CEP63: variants seen among roughly 807,000 people sequenced by gnomAD.
CEP63 encodes the protein centrosomal protein of 63 kDa.
In CEP63, 84 loss-of-function variants were observed where a neutral mutation model predicts 89.1. That is an observed-to-expected ratio of 0.94 (90% CI 0.79 to 1.13). The LOEUF (loss-of-function observed/expected upper bound fraction) is 1.13. Among genes scored for constraint, CEP63 ranks in the 50% most tolerant of loss-of-function variants. The pLI is 0.00. For missense variants in CEP63, 838 were observed against 813.3 expected (o/e 1.03, Z -0.37); for synonymous variants, 267 against 272.5 (o/e 0.98, Z 0.20).
At chr3:134,608,851 A>G in the CEP63 span, 2 of 1,600,760 alleles carry the variant, frequency 1.2e-6, no homozygotes, top group Non-Finnish European at 1.7e-6. Context: ...TGGAGCAGAG[A>G]CAAGCTGGTT....
chr3:134,555,629 C>G (rs572212288), intron 12 of CEP63, among the ~76,000 whole-genome samples: 137 of 152,224 alleles, frequency 9.0e-4, no homozygotes, highest in Middle Eastern at 3.4e-3. Flanking sequence ...AAACAGGATA[C>G]AAACAAATGG....
In CEP63 at chr3:134,486,160, A is replaced by G. The variant is rs938528028; in HGVS notation, c.-68A>G. The G allele has an allele frequency of 1.1e-5, 11 of 985,568 alleles. No homozygotes were observed. Among genetic ancestry groups the G allele is most frequent in the East Asian group, 2.3e-4 (2 of 8,806 alleles). The allele number at this position is 985,568 out of a possible 1,614,324, so 61.1% of individuals were successfully genotyped here. On this transcript the variant is annotated 5_prime_UTR_variant, in exon 1 of 15. Transcript: ENST00000675561. ...CAAACGCGCCGACTACAGAGGCTGGACGTAAGCTTAGCGGTGGCGCGCGTG... is the reference window on the plus strand; with the variant it reads ...CAAACGCGCCGACTACAGAGGCTGGGCGTAAGCTTAGCGGTGGCGCGCGTG...
chr3:134,608,769 A>C, the CEP63 span: 12 of 1,614,022 alleles, frequency 7.4e-6, no homozygotes, highest in Non-Finnish European at 1.0e-5. Flanking sequence ...AGCAGCTGCC[A>C]GTTCTTGTTG....
the CEP63 span, among the ~76,000 whole-genome samples, chr3:134,635,822 G>C: frequency 1.3e-5 from 2 of 152,070 alleles, no homozygotes; most frequent in African/African-American, 4.8e-5. Flanking sequence ...GATACAGAAC[G>C]ATATAAAGCA....
the CEP63 span, among the ~76,000 whole-genome samples, chr3:134,670,878 A>G: frequency 6.6e-6 from 1 of 152,270 alleles, no homozygotes; most frequent in South Asian, 2.1e-4. Context: ...GTGGATGAAC[A>G]TCTACAACAC....
chr3:134,746,040 T>A, the CEP63 span, among the ~76,000 whole-genome samples: 3 of 150,988 alleles, frequency 2.0e-5, no homozygotes, highest in African/African-American at 7.3e-5. Context: ...ACATTAGGTA[T>A]TTCTCCTAAT....
chr3:134,591,575 GA>G (rs1361308886), downstream of CEP63, among the ~76,000 whole-genome samples: 1 of 152,172 alleles, frequency 6.6e-6, no homozygotes, highest in Non-Finnish European at 1.5e-5. Flanking sequence ...TGAGATACAG[GA>G]CAGGCACAAT....
the CEP63 span, among the ~76,000 whole-genome samples, chr3:134,723,247 T>G: frequency 1.2e-4 from 19 of 152,210 alleles, no homozygotes; most frequent in African/African-American, 4.3e-4. Context: ...ACTTTGAAAT[T>G]GGCCATATGA....
chr3:134,538,987 T>A (rs1238747096), intron 6 of CEP63, among the ~76,000 whole-genome samples: 3 of 152,196 alleles, frequency 2.0e-5, no homozygotes, highest in African/African-American at 7.2e-5. Context: ...TTGTTTTTCC[T>A]ACTAAGGGTG....
intron 11 of CEP63, among the ~76,000 whole-genome samples, chr3:134,550,869 T>C (rs553052534): frequency 1.1e-3 from 162 of 152,278 alleles, no homozygotes; most frequent in African/African-American, 3.5e-3. Context: ...GATGGTGGCC[T>C]GAGCAGTGGG....
In CEP63 at chr3:134,529,339, C is replaced by CTTTT. The variant is rs66493822; in HGVS notation, c.223-2490_223-2487dup. 1.6e-3 allele frequency among the ~76,000 whole-genome samples: 186 copies of CTTTT among 116,910 alleles called. 8 individuals carry two copies. The highest frequency in any genetic ancestry group is 3.1e-3 in the African/African-American group (95 of 30,304). 76.7% of individuals were successfully genotyped at this position (116,910 alleles called of 152,430 possible). A position where few individuals can be genotyped will look rare whatever the true frequency, so the allele number is the denominator to read the frequency against. ...TTATAAAAGAACAAATCCCCATTGA[C>CTTTT]TTTTTTTTTTTTTTTTTTTGAGACT... On this transcript the variant is annotated intron_variant, in intron 3 of 14. Coordinates refer to ENST00000675561, the MANE Select transcript of CEP63 (RefSeq NM_001353108.3).
intron 2 of CEP63, among the ~76,000 whole-genome samples, chr3:134,505,977 G>A (rs1943342611): frequency 6.6e-6 from 1 of 152,172 alleles, no homozygotes; most frequent in Non-Finnish European, 1.5e-5. Flanking sequence ...ACAGCATTTT[G>A]GGGGGACTTT....
chr3:134,564,399 A>G lies in CEP63; in HGVS notation c.*2864A>G. On this transcript the variant is annotated 3_prime_UTR_variant, in exon 15 of 15. Coordinates refer to ENST00000675561, the MANE Select transcript of CEP63 (RefSeq NM_001353108.3). ...ATCTGGCTTGGCAAAGCTTTCCCAT[A>G]TCCCCTGACCCATGTCAGGGAACGT... 1.0e-6 allele frequency: 1 copy of G among 985,352 alleles called. No homozygotes were observed. The highest frequency in any genetic ancestry group is 1.1e-4 in the East Asian group (1 of 8,800). 61.0% of individuals were successfully genotyped at this position (985,352 alleles called of 1,614,324 possible).
At chr3:134,778,715 T>C in the CEP63 span, among the ~76,000 whole-genome samples, 1 of 152,076 alleles carries the variant, frequency 6.6e-6, no homozygotes. Flanking sequence ...CCCACCACCA[T>C]GCCCGGCTAA....
At chr3:134,528,865 G>A (rs1949284805) in intron 3 of CEP63, among the ~76,000 whole-genome samples, 1 of 152,128 alleles carries the variant, frequency 6.6e-6, no homozygotes, top group Admixed American at 6.5e-5. Context: ...GAATAGTTAA[G>A]ACTCTTCAAC....
At chr3:134,520,352 A>G (rs895395614) in intron 3 of CEP63, among the ~76,000 whole-genome samples, 1 of 152,178 alleles carries the variant, frequency 6.6e-6, no homozygotes, top group Non-Finnish European at 1.5e-5. Flanking sequence ...AATAGAGTAA[A>G]TCCAATGAAA....
the CEP63 span, among the ~76,000 whole-genome samples, chr3:134,631,836 C>G: frequency 6.6e-6 from 1 of 151,988 alleles, no homozygotes; most frequent in Non-Finnish European, 1.5e-5. Context: ...ACAAATGTAT[C>G]AGTAATTACA....
chr3:134,733,285 A>G, the CEP63 span, among the ~76,000 whole-genome samples: 1 of 152,108 alleles, frequency 6.6e-6, no homozygotes, highest in Non-Finnish European at 1.5e-5. Flanking sequence ...GTCTGCCAGC[A>G]CACATACTTG....
rs765441935 is a variant in CEP63, at chr3:134,537,207, A to G, written c.494A>G (p.Gln165Arg). 2 of 1,614,086 alleles carry G rather than the reference A, an allele frequency of 1.2e-6. No individual in the cohort carries two copies. Among genetic ancestry groups the G allele is most frequent in the Non-Finnish European group, 1.7e-6 (2 of 1,179,918 alleles). ...DWEKQRLIYQ[Q>R]QVSSLEAQRK... ...GAGAAGCAACGCTTGATTTATCAGCAACAGGTATCTTCACTGGAGGCACAA... is the reference window on the plus strand; with the variant it reads ...GAGAAGCAACGCTTGATTTATCAGCGACAGGTATCTTCACTGGAGGCACAA... Residue 165 changes from glutamine to arginine, a missense_variant, in exon 6 of 15, where the codon CAA (glutamine) becomes CGA (arginine). Gln to Arg is a conservative substitution (Grantham distance 43). Transcript: ENST00000675561.
Sources: allele counts gnomAD v4.1 joint callset (sites outside exome capture counted in the v4.1 genomes callset), GRCh38; gene constraint gnomAD v4.1.1; transcripts MANE v1.5; gene names NCBI Gene and HGNC (gene_info 2026-07-23, HGNC 2026-07-21).